Variants in DYNC1H1 observed in about 807,000 individuals in gnomAD.
DYNC1H1 encodes the protein dynein cytoplasmic 1 heavy chain 1.
In DYNC1H1, 51 loss-of-function variants were observed where a neutral mutation model predicts 527.1. The observed-to-expected ratio is 0.10, with a 90% CI of 0.08 to 0.12. The LOEUF (loss-of-function observed/expected upper bound fraction) is 0.12. Ranked by LOEUF, DYNC1H1 falls within the 10% of genes least tolerant of loss-of-function variation. The probability of loss-of-function intolerance (pLI) is 1.00; values close to 1 mark genes in which losing one functional copy is unlikely to be tolerated. For synonymous variants in DYNC1H1, 2,189 were observed against 2,278.8 expected (o/e 0.96, Z 1.12); for missense variants, 2,771 against 5,971.8 (o/e 0.46, Z 17.66).
At position 101,986,863 on chromosome 14, in the gene DYNC1H1, G is replaced by C. The variant is rs1221381905; in HGVS notation, c.2538+100G>C. On this transcript the variant is annotated intron_variant, in intron 8 of 77. Coordinates refer to ENST00000360184, the MANE Select transcript of DYNC1H1 (RefSeq NM_001376.5). This position sits in a 1 kb window ranked among gnomAD's most constrained non-coding sequence, Gnocchi z 8.7. ...AGTTCTCCCGAAGAAGGCATGCATG[G>C]TTGATGCAGCATACGGCCATGTGAG... The C allele has an allele frequency of 1.5e-6, 2 of 1,367,692 alleles. No homozygotes were observed. The highest frequency in any genetic ancestry group is 1.7e-5 in the Admixed American group (1 of 59,602). 84.7% of individuals were successfully genotyped at this position (1,367,692 alleles called of 1,614,324 possible). A position where few individuals can be genotyped will look rare whatever the true frequency, so the allele number is the denominator to read the frequency against.
In DYNC1H1 at chr14:102,017,466, T is replaced by TC; in HGVS notation, c.8145dup (p.Thr2716HisfsTer83). The stretch of plus-strand genomic sequence containing the variant: ...GAATCCAGTTTGTTGGGGCTTGTAA[T>TC]CCCCCCACAGACCCTGGAAGAAAGC... On this transcript the variant is annotated frameshift_variant, in exon 40 of 78. Transcript: ENST00000360184. LOFTEE classifies it high-confidence loss of function. This position sits in a 1 kb window ranked among gnomAD's most constrained non-coding sequence, Gnocchi z 4.6. The TC allele has an allele frequency of 6.2e-7, 1 of 1,613,926 alleles. No individual in the cohort carries two copies. Among genetic ancestry groups the TC allele is most frequent in the Non-Finnish European group, 8.5e-7 (1 of 1,179,974 alleles).
chr14:102,050,490 A>T lies in DYNC1H1; in HGVS notation c.13868A>T (p.Asp4623Val). ...CGTGCAGACCTCATCTTCACCGTGG[A>T]CTTCGAAATTGCTACAAAGGAGGAT... is the stretch of plus-strand genomic sequence containing the variant. Reference protein sequence around the residue: ...FTRADLIFTVDFEIATKEDPR... With the variant: ...FTRADLIFTVVFEIATKEDPR... Residue 4623 changes from aspartate to valine, a missense_variant, in exon 78 of 78, where the codon GAC (aspartate) becomes GTC (valine). By Grantham distance (152) the Asp-to-Val change is radical. Transcript: ENST00000360184. 1 of 1,614,224 alleles carries T rather than the reference A, an allele frequency of 6.2e-7. No homozygotes were observed. Among genetic ancestry groups the T allele is most frequent in the East Asian group, 2.2e-5 (1 of 44,888 alleles).
Position 102,018,374 on chromosome 14 carries a change from G to T in DYNC1H1, c.8178-77G>T. 3 of 1,571,078 alleles carry T rather than the reference G, an allele frequency of 1.9e-6. No homozygotes were observed. Among genetic ancestry groups the T allele is most frequent in the South Asian group, 2.3e-5 (2 of 87,394 alleles). On this transcript the variant is annotated intron_variant, in intron 40 of 77. Transcript: ENST00000360184. The surrounding 1 kb of genome is among the most constrained non-coding windows in gnomAD (Gnocchi z 5.2). Reference sequence around the variant, plus strand: ...ACCTCCAGACAGGGCCCTGGACAGGGCGACTCCACTGGCACACTGCCCCTT... The same window carrying T: ...ACCTCCAGACAGGGCCCTGGACAGGTCGACTCCACTGGCACACTGCCCCTT...
At position 102,005,335 on chromosome 14, in the gene DYNC1H1, A is replaced by G. The variant is rs2048184939; in HGVS notation, c.5433+99A>G. On this transcript the variant is annotated intron_variant, in intron 26 of 77. Coordinates refer to ENST00000360184, the MANE Select transcript of DYNC1H1 (RefSeq NM_001376.5). The surrounding 1 kb of genome is among the most constrained non-coding windows in gnomAD (Gnocchi z 4.0). ...ATGCTTGAAAAAGGTTTCAGGTAGT[A>G]TCAAGGAGAACAGTGGATGGTGTAT... The G allele has an allele frequency of 2.7e-6, 4 of 1,499,418 alleles. No individual in the cohort carries two copies. The highest frequency in any genetic ancestry group is 3.7e-6 in the Non-Finnish European group (4 of 1,085,030). 92.9% of individuals were successfully genotyped at this position (1,499,418 alleles called of 1,614,324 possible).
At position 102,041,106 on chromosome 14, in the gene DYNC1H1, A is replaced by G. The variant is rs2048643966; in HGVS notation, c.11941+433A>G. 21 of 346,022 alleles carry G rather than the reference A, an allele frequency of 6.1e-5. No individual in the cohort carries two copies. The highest frequency in any genetic ancestry group is 5.2e-4 in the South Asian group (21 of 40,212). 21.4% of individuals were successfully genotyped at this position (346,022 alleles called of 1,614,324 possible). ...TATTCATCTCATGCTTAAAGACCAC[A>G]AGAGAACTAGATGGGGAACTCCTGC... On this transcript the variant is annotated intron_variant, in intron 64 of 77. Transcript: ENST00000360184. This position sits in a 1 kb window ranked among gnomAD's most constrained non-coding sequence, Gnocchi z 4.5.
rs778296023 is a variant in DYNC1H1 at position 102,001,555 on chromosome 14, T to C, written c.4416T>C (p.Thr1472=). The stretch of plus-strand genomic sequence containing the variant: ...TTCAGATAAGAGAAGTGTGGAATAC[T>C]TATGAACTAGACTTGGTTAATTATC... ...FLKQIREVWN[T]YELDLVNYQN... The change falls in exon 21 of 78, where the codon ACT becomes ACC. Residue 1472 remains threonine, a synonymous_variant. Coordinates refer to ENST00000360184, the MANE Select transcript of DYNC1H1 (RefSeq NM_001376.5). The surrounding 1 kb of genome is among the most constrained non-coding windows in gnomAD (Gnocchi z 5.0). 6.2e-7 allele frequency: 1 copy of C among 1,614,052 alleles called. No homozygotes were observed. Among genetic ancestry groups the C allele is most frequent in the African/African-American group, 1.3e-5 (1 of 74,908 alleles).
chr14:102,039,044 A>G lies in DYNC1H1; in HGVS notation c.11250A>G (p.Leu3750=). The G allele has an allele frequency of 6.2e-7, 1 of 1,614,192 alleles. No homozygotes were observed. The highest frequency in any genetic ancestry group is 8.5e-7 in the Non-Finnish European group (1 of 1,180,032). Residue 3750 remains leucine, a synonymous_variant, in exon 60 of 78, where the codon CTA becomes CTG. Coordinates refer to ENST00000360184, the MANE Select transcript of DYNC1H1 (RefSeq NM_001376.5). This position sits in a 1 kb window ranked among gnomAD's most constrained non-coding sequence, Gnocchi z 7.0. ...LRLRQLEKSL[L]QALNEVKGRI... is the part of the protein sequence containing the mutation. ...TGCGTCAGCTGGAAAAATCTCTACT[A>G]CAAGCTCTGAACGAGGTGAAAGGGC... is the stretch of plus-strand genomic sequence containing the variant.
In DYNC1H1 at chr14:102,049,368, G is replaced by A. The variant is rs1012242723; in HGVS notation, c.13373-72G>A. The A allele has an allele frequency of 2.9e-5, 46 of 1,607,308 alleles. No homozygotes were observed. Among genetic ancestry groups the A allele is most frequent in the Non-Finnish European group, 3.7e-5 (44 of 1,178,936 alleles). The stretch of plus-strand genomic sequence containing the variant: ...TGGGCAGCCAGGATGCCTAGCACTT[G>A]CACATTTGTTCCATCTGTGCTGGGG... On this transcript the variant is annotated intron_variant, in intron 74 of 77. Coordinates refer to ENST00000360184, the MANE Select transcript of DYNC1H1 (RefSeq NM_001376.5). This position sits in a 1 kb window ranked among gnomAD's most constrained non-coding sequence, Gnocchi z 5.5.
rs754437318 is a variant in DYNC1H1 at position 102,042,720 on chromosome 14, G to T, written c.12485G>T (p.Ser4162Ile). The change falls in exon 69 of 78, where the codon AGC (serine) becomes ATC (isoleucine). Residue 4162 changes from serine (S) to isoleucine (I), a missense_variant. Physicochemically the swap from Ser to Ile is moderately radical, Grantham distance 142. Around this residue, in one of 32 missense-constraint regions of DYNC1H1, gnomAD observed 195 missense variants for 428.6 expected, o/e 0.45. Transcript: ENST00000360184. This position sits in a 1 kb window ranked among gnomAD's most constrained non-coding sequence, Gnocchi z 5.7. ...GVKANMLRTF[S>I]SIPVSRICKS... ...AAGGCCAACATGCTGAGGACGTTCAGCAGCATTCCCGTCTCACGGATATGC... is the reference window on the plus strand; with the variant it reads ...AAGGCCAACATGCTGAGGACGTTCATCAGCATTCCCGTCTCACGGATATGC... The T allele has an allele frequency of 5.0e-6, 8 of 1,614,204 alleles. No homozygotes were observed. The highest frequency in any genetic ancestry group is 1.6e-4 in the Middle Eastern group (1 of 6,062).
intron 48 of DYNC1H1, chr14:102,028,956 T>G (rs1472518376): frequency 6.0e-6 from 1 of 166,452 alleles, no homozygotes; most frequent in Non-Finnish European, 1.3e-5. Context: ...CTGCTAACCA[T>G]GTTTTGCTAA....
In DYNC1H1 at chr14:101,994,323, A is replaced by G. The variant is rs759858460; in HGVS notation, c.3155A>G (p.Lys1052Arg). 1 of 1,614,230 alleles carries G rather than the reference A, an allele frequency of 6.2e-7. No individual in the cohort carries two copies. Among genetic ancestry groups the G allele is most frequent in the Non-Finnish European group, 8.5e-7 (1 of 1,180,038 alleles). ...GIVSEVEQYV[K>R]VWLQYQCLWD... ...GTATCTGAAGTTGAACAGTATGTCA[A>G]GGTAAGAAACTCCTAATTTCATTCA... The change falls in exon 12 of 78, where the codon AAG (lysine) becomes AGG (arginine). Residue 1052 changes from lysine to arginine, a missense_variant and splice_region_variant. Around this residue, in one of 32 missense-constraint regions of DYNC1H1, gnomAD observed 179 missense variants for 349.4 expected, o/e 0.51. Transcript: ENST00000360184.
rs756074780 is a variant in DYNC1H1, at chr14:102,043,973, G to T, written c.12612G>T (p.Lys4204Asn). The T allele has an allele frequency of 6.2e-7, 1 of 1,614,140 alleles. No individual in the cohort carries two copies. Among genetic ancestry groups the T allele is most frequent in the Non-Finnish European group, 8.5e-7 (1 of 1,180,050 alleles). Residue 4204 changes from lysine (K) to asparagine (N), a missense_variant, in exon 70 of 78, where the codon AAG becomes AAT. Coordinates refer to ENST00000360184, the MANE Select transcript of DYNC1H1 (RefSeq NM_001376.5). ...LRYAPLGWSK[K>N]YEFGESDLRS... ...ACGCACCACTGGGGTGGTCAAAGAAGTATGAATTTGGAGAGTCTGACCTGC... is the reference window on the plus strand; with the variant it reads ...ACGCACCACTGGGGTGGTCAAAGAATTATGAATTTGGAGAGTCTGACCTGC...
chr14:101,991,136 G>A (rs765623490), intron 10 of DYNC1H1, among the ~76,000 whole-genome samples: 7 of 151,940 alleles, frequency 4.6e-5, no homozygotes, highest in South Asian at 2.1e-4. Flanking sequence ...TGTCGCCATC[G>A]CACTCCAGCC....
chr14:102,047,657 A>G (rs2048744232), intron 72 of DYNC1H1, 160 bp from the exon 73 acceptor site: 2 of 545,680 alleles, frequency 3.7e-6, no homozygotes, highest in African/African-American at 2.2e-5. Flanking sequence ...ATATATATAT[A>G]TATATATGTA....
At chr14:101,994,361 G>T in intron 12 of DYNC1H1, 37 bp downstream of exon 12, 1 of 1,613,736 alleles carries the variant, frequency 6.2e-7, no homozygotes, top group Non-Finnish European at 8.5e-7. Context: ...TGTGCATATG[G>T]TCTATTCTAG....
rs201741191 is a variant in DYNC1H1, at chr14:102,049,629, G to A, written c.13515+47G>A. 6.1e-5 allele frequency: 99 copies of A among 1,613,082 alleles called. No homozygotes were observed. Among genetic ancestry groups the A allele is most frequent in the Admixed American group, 1.7e-5 (1 of 59,998 alleles). On this transcript the variant is annotated intron_variant, in intron 75 of 77. Coordinates refer to ENST00000360184, the MANE Select transcript of DYNC1H1 (RefSeq NM_001376.5). The surrounding 1 kb of genome is among the most constrained non-coding windows in gnomAD (Gnocchi z 5.5). ...CTCGGGTGGTCAGCAGCTGTCCTGG[G>A]CTGGGGTGGGAGTGGCTCTGGGGAA...
Position 102,010,754 on chromosome 14 carries a change from C to T in DYNC1H1, c.6420C>T (p.Ser2140=), listed in dbSNP as rs759977828. The stretch of plus-strand genomic sequence containing the variant: ...TCTCCCCGTAGATTCTGATACAGAG[C>T]GTCTGTGAGACGATGGTGCCAAAGC... ...NLPEQEILIQ[S]VCETMVPKLV... is the part of the protein sequence containing the mutation. Residue 2140 remains serine, a synonymous_variant, in exon 32 of 78, where the codon AGC becomes AGT. Transcript: ENST00000360184. The surrounding 1 kb of genome is among the most constrained non-coding windows in gnomAD (Gnocchi z 6.0). 1.7e-5 allele frequency: 28 copies of T among 1,612,742 alleles called. No homozygotes were observed. The highest frequency in any genetic ancestry group is 2.2e-5 in the Non-Finnish European group (26 of 1,179,916).
intron 7 of DYNC1H1, among the ~76,000 whole-genome samples, chr14:101,984,332 T>G (rs1308835380): frequency 6.6e-6 from 1 of 151,358 alleles, no homozygotes; most frequent in East Asian, 1.9e-4. Flanking sequence ...CTTAACTACT[T>G]CTTTCTGTTG....
intron 50 of DYNC1H1, 96 bp from the exon 51 acceptor site, chr14:102,030,066 G>T (rs2048493797): frequency 1.2e-6 from 2 of 1,610,382 alleles, no homozygotes; most frequent in East Asian, 2.2e-5. Flanking sequence ...GAGTGTGTGT[G>T]TGTGTGTGTG....
Sources: allele counts gnomAD v4.1 joint callset (sites outside exome capture counted in the v4.1 genomes callset), GRCh38; gene constraint gnomAD v4.1.1; regional missense constraint gnomAD v4.1.1; non-coding constraint Gnocchi (gnomAD v3.1); transcripts MANE v1.5; gene names NCBI Gene and HGNC (gene_info 2026-07-23, HGNC 2026-07-21).